Variants in PAPPA2 observed in about 807,000 individuals in gnomAD.
PAPPA2 encodes the protein pappalysin 2.
A neutral mutation model predicts 176.4 loss-of-function variants in PAPPA2; 86 were observed. The ratio of observed to expected loss-of-function variants is 0.49; its 90% CI spans 0.41 to 0.58. The LOEUF is 0.58. Ranked by LOEUF, PAPPA2 falls within the 20% of genes least tolerant of loss-of-function variation. PAPPA2 has a pLI of 0.00. For missense variants in PAPPA2, 2,073 were observed against 2,256.9 expected (o/e 0.92, Z 1.65); for synonymous variants, 809 against 852.2 (o/e 0.95, Z 0.88).
chr1:176,468,477 C>T (rs1651728347), intron 1 of PAPPA2, among the ~76,000 whole-genome samples: 2 of 152,172 alleles, frequency 1.3e-5, no homozygotes, highest in Admixed American at 1.3e-4. Flanking sequence ...GGTCCCATCT[C>T]TTCTCTATTC....
chr1:176,466,835 A>G (rs973329837), intron 1 of PAPPA2, among the ~76,000 whole-genome samples: 2 of 152,160 alleles, frequency 1.3e-5, no homozygotes, highest in Admixed American at 6.5e-5. Flanking sequence ...TGGAGGGAGA[A>G]AAAGAGTTTC....
At chr1:176,839,440 G>A (rs1047279284) in intron 21 of PAPPA2, among the ~76,000 whole-genome samples, 1 of 152,164 alleles carries the variant, frequency 6.6e-6, no homozygotes, top group African/African-American at 2.4e-5. Flanking sequence ...TAGCAGTGGT[G>A]GATGGAAACA....
chr1:176,599,582 A>G (rs1654191990), intron 3 of PAPPA2, among the ~76,000 whole-genome samples: 1 of 149,632 alleles, frequency 6.7e-6, no homozygotes, highest in Non-Finnish European at 1.5e-5. Flanking sequence ...TTTAGCAATC[A>G]TACTTTAAAA....
In PAPPA2 at chr1:176,737,040, T is replaced by A. The variant is rs867105574; in HGVS notation, c.3799-2586T>A. Among the ~76,000 whole-genome samples, 18 of 152,210 alleles carry A rather than the reference T, an allele frequency of 1.2e-4. 1 individual carries two copies. In the South Asian group the frequency reaches 1.7e-3, roughly 14 times the overall value. On this transcript the variant is annotated intron_variant, in intron 12 of 22. Coordinates refer to ENST00000367662, the MANE Select transcript of PAPPA2 (RefSeq NM_020318.3). Reference sequence around the variant, plus strand: ...TTTAGTTTTAAATTTTTATTTTTTTTACCTTTTTCCTACATTGTAAATACA... The same window carrying A: ...TTTAGTTTTAAATTTTTATTTTTTTAACCTTTTTCCTACATTGTAAATACA...
intron 1 of PAPPA2, among the ~76,000 whole-genome samples, chr1:176,469,404 G>A (rs1315539443): frequency 2.0e-5 from 3 of 152,050 alleles, no homozygotes; most frequent in Admixed American, 6.5e-5. Context: ...CCAGGCACAC[G>A]CTATAACACA....
At chr1:176,548,845 T>A (rs1650778157) in intron 1 of PAPPA2, among the ~76,000 whole-genome samples, 1 of 152,050 alleles carries the variant, frequency 6.6e-6, no homozygotes, top group Non-Finnish European at 1.5e-5. Flanking sequence ...TGGGCTACAT[T>A]TCTTGGAGGC....
chr1:176,582,017 G>A (rs1468119704), intron 2 of PAPPA2, among the ~76,000 whole-genome samples: 6 of 146,940 alleles, frequency 4.1e-5, no homozygotes, highest in African/African-American at 1.0e-4. Flanking sequence ...TCCGCCTCCC[G>A]GGTTCACGCC....
intron 3 of PAPPA2, among the ~76,000 whole-genome samples, chr1:176,598,858 G>T (rs528900856): frequency 3.3e-5 from 5 of 151,884 alleles, no homozygotes; most frequent in African/African-American, 1.2e-4. Flanking sequence ...GCGTTTTTTT[G>T]GGGGGGTTAG....
At chr1:176,804,124 G>A (rs550043089) in intron 21 of PAPPA2, among the ~76,000 whole-genome samples, 12 of 152,314 alleles carry the variant, frequency 7.9e-5, no homozygotes, top group Admixed American at 6.5e-4. Flanking sequence ...ATTATAGGCA[G>A]TGAGCTCAGT....
At chr1:176,675,036 G>GT (rs2102780889) in intron 4 of PAPPA2, among the ~76,000 whole-genome samples, 1 of 151,750 alleles carries the variant, frequency 6.6e-6, no homozygotes, top group Non-Finnish European at 1.5e-5. Flanking sequence ...ATTTTTCTTT[G>GT]TTTTTGTTGC....
chr1:176,731,875 A>T (rs192405290), intron 12 of PAPPA2, among the ~76,000 whole-genome samples: 16 of 152,222 alleles, frequency 1.1e-4, no homozygotes, highest in Middle Eastern at 6.8e-3. Flanking sequence ...TAGATAAACA[A>T]TGAATTTTTT....
At chr1:176,759,818 T>C (rs1187994094) in intron 14 of PAPPA2, among the ~76,000 whole-genome samples, 1 of 152,210 alleles carries the variant, frequency 6.6e-6, no homozygotes, top group African/African-American at 2.4e-5. Context: ...ATGTCTTTTT[T>C]CTGGTGTCTA....
At chr1:176,629,225 A>T (rs568316239) in intron 3 of PAPPA2, among the ~76,000 whole-genome samples, 2 of 152,350 alleles carry the variant, frequency 1.3e-5, no homozygotes, top group East Asian at 3.9e-4. Context: ...TCAATTGTTT[A>T]GAATATTGTT....
At chr1:176,590,011 C>T (rs1305899559) in intron 2 of PAPPA2, among the ~76,000 whole-genome samples, 1 of 152,132 alleles carries the variant, frequency 6.6e-6, no homozygotes. Flanking sequence ...TCTATGACTC[C>T]AATTTGTAGC....
chr1:176,702,302 A>C (rs2102822223), intron 8 of PAPPA2, among the ~76,000 whole-genome samples: 1 of 152,326 alleles, frequency 6.6e-6, no homozygotes, highest in South Asian at 2.1e-4. Flanking sequence ...TAACATGGTA[A>C]AAATGCACTT....
At chr1:176,780,438 G>A (rs1664661706) in intron 17 of PAPPA2, among the ~76,000 whole-genome samples, 1 of 152,164 alleles carries the variant, frequency 6.6e-6, no homozygotes, top group South Asian at 2.1e-4. Flanking sequence ...ACAGTAGGTA[G>A]AAAAGAGAGG....
rs554857477 is a variant in PAPPA2, at chr1:176,827,729, T to C, written c.5203-12444T>C. Among the ~76,000 whole-genome samples, 4 of 152,268 alleles carry C rather than the reference T, an allele frequency of 2.6e-5. No individual in the cohort carries two copies. In the South Asian group the frequency reaches 8.3e-4, roughly 32 times the overall value. ...GCAAATACTTTGTCACCCAGGAACCTTCTGTGGTGCCTTGTGCATAGCAGA... is the reference window on the plus strand; with the variant it reads ...GCAAATACTTTGTCACCCAGGAACCCTCTGTGGTGCCTTGTGCATAGCAGA... On this transcript the variant is annotated intron_variant, in intron 21 of 22. Coordinates refer to ENST00000367662, the MANE Select transcript of PAPPA2 (RefSeq NM_020318.3).
Position 176,699,607 on chromosome 1 carries a change from A to G in PAPPA2, c.3236+18A>G. The G allele has an allele frequency of 6.3e-7, 1 of 1,578,062 alleles. No individual in the cohort carries two copies. The highest frequency in any genetic ancestry group is 1.2e-5 in the South Asian group (1 of 86,306). On this transcript the variant is annotated intron_variant, in intron 8 of 22. Coordinates refer to ENST00000367662, the MANE Select transcript of PAPPA2 (RefSeq NM_020318.3). Reference sequence around the variant, plus strand: ...ACGGACGTGTGAGTTTGGTAGCATGACTATGGGGCTTCCTGAGGCTCTGGG... The same window carrying G: ...ACGGACGTGTGAGTTTGGTAGCATGGCTATGGGGCTTCCTGAGGCTCTGGG...
chr1:176,706,835 C>T (rs1405235838), intron 10 of PAPPA2, among the ~76,000 whole-genome samples: 1 of 152,116 alleles, frequency 6.6e-6, no homozygotes. Context: ...GTAAGTAGCA[C>T]AATCAAATGG....
Sources: gnomAD v4.1 joint callset for allele counts (sites outside exome capture counted in the v4.1 genomes callset) on GRCh38, gnomAD v4.1.1 for gene constraint, MANE v1.5 for transcripts, NCBI Gene and HGNC (gene_info 2026-07-23, HGNC 2026-07-21) for gene names.